HMCN1: variants seen among roughly 807,000 people sequenced by gnomAD.
HMCN1 encodes hemicentin 1, also known as hemicentin-1.
A neutral mutation model predicts 625.9 loss-of-function variants in HMCN1; 321 were observed. That is an observed-to-expected ratio of 0.51 (90% CI 0.47 to 0.56). HMCN1 has a LOEUF of 0.56. Among genes scored for constraint, HMCN1 ranks in the 20% least tolerant of loss-of-function variants. The pLI is 0.00. For missense variants in HMCN1, 6,588 were observed against 6,887.3 expected, an observed-to-expected ratio of 0.96 and a Z score of 1.54; for synonymous variants, 2,425 against 2,417.6, an observed-to-expected ratio of 1.00 and a Z score of -0.09.
intron 100 of HMCN1, among the ~76,000 whole-genome samples, chr1:186,171,043 TC>T (rs1432580824): frequency 6.6e-6 from 1 of 152,314 alleles, no homozygotes; most frequent in East Asian, 1.9e-4. Context: ...GACTGGAACT[TC>T]CGAGAAACAG....
Position 185,734,888 on chromosome 1 carries a change from G to A in HMCN1, c.109G>A (p.Glu37Lys), listed in dbSNP as rs199574143. Residue 37 changes from glutamate to lysine, a missense_variant, in exon 1 of 107, where the codon GAG (glutamate) becomes AAG (lysine). Transcript: ENST00000271588. ...QSEIRAEEIP[E>K]GASTLAFVFD... is the part of the protein sequence containing the mutation. ...AGAGATCAGAGCTGAGGAAATTCCC[G>A]AGGGGGCCTCCACGTTGGCTTTTGT... The A allele has an allele frequency of 1.2e-4, 200 of 1,614,018 alleles. No homozygotes were observed. The highest frequency in any genetic ancestry group is 1.6e-4 in the Non-Finnish European group (188 of 1,180,014).
At chr1:186,090,663 T>C in intron 63 of HMCN1, 95 bp from the exon 64 acceptor site, 1 of 1,400,544 alleles carries the variant, frequency 7.1e-7, no homozygotes, top group Admixed American at 1.8e-5. Flanking sequence ...CTACAAAGAA[T>C]ATGAACTAGA....
chr1:186,132,508 G>GT (rs200830407), intron 86 of HMCN1, 99 bp downstream of exon 86: 3 of 946,302 alleles, frequency 3.2e-6, no homozygotes, highest in Non-Finnish European at 5.0e-6. Flanking sequence ...TTCATTAGTG[G>GT]TAGCTCTCAG....
chr1:185,835,326 T>C (rs993646715), intron 1 of HMCN1, among the ~76,000 whole-genome samples: 5 of 152,156 alleles, frequency 3.3e-5, no homozygotes, highest in African/African-American at 1.2e-4. Context: ...CTCTTGTTTC[T>C]CTTCTGTAGT....
intron 86 of HMCN1, among the ~76,000 whole-genome samples, chr1:186,133,956 C>A (rs1453991021): frequency 1.3e-5 from 2 of 151,924 alleles, no homozygotes; most frequent in African/African-American, 4.8e-5. Flanking sequence ...TATGGCTCAA[C>A]AAGGAGAGAA....
chr1:186,130,680 G>A lies in HMCN1; in HGVS notation c.13213G>A (p.Ala4405Thr), dbSNP rs1433436276. The A allele has an allele frequency of 1.2e-6, 2 of 1,612,592 alleles. No homozygotes were observed. Among genetic ancestry groups the A allele is most frequent in the Admixed American group, 1.7e-5 (1 of 59,914 alleles). Residue 4405 changes from alanine to threonine, a missense_variant, in exon 85 of 107, where the codon GCC becomes ACC. Transcript: ENST00000271588. ...CCGGCAACTGGGCAATGGCTCCCTG[G>A]CCATCTATGGCACTGTTGTAAGTCA... ...RIRQLGNGSLAIYGTVNEDAG... is the reference protein window; with the variant it reads ...RIRQLGNGSLTIYGTVNEDAG...
rs554786554 is a variant in HMCN1 at position 186,108,492 on chromosome 1, C to A, written c.10884C>A (p.Pro3628=). 4 of 1,614,000 alleles carry A rather than the reference C, an allele frequency of 2.5e-6. No homozygotes were observed. In the Admixed American group the frequency reaches 6.7e-5, roughly 27 times the overall value. Residue 3628 remains proline, a synonymous_variant, in exon 71 of 107, where the codon CCC becomes CCA. Coordinates refer to ENST00000271588, the MANE Select transcript of HMCN1 (RefSeq NM_031935.3). ...CTAATATTGCTGGAACTGATGAGCC[C>A]CGGGATATCACTGTGTTACGGAACA... ...VPPNIAGTDE[P]RDITVLRNRQ... is the part of the protein sequence containing the mutation.
chr1:185,963,909 C>T lies in HMCN1; in HGVS notation c.2098+14C>T. 1 of 1,606,916 alleles carries T rather than the reference C, an allele frequency of 6.2e-7. No individual in the cohort carries two copies. Among genetic ancestry groups the T allele is most frequent in the Non-Finnish European group, 8.5e-7 (1 of 1,173,958 alleles). On this transcript the variant is annotated intron_variant, in intron 13 of 106. Coordinates refer to ENST00000271588, the MANE Select transcript of HMCN1 (RefSeq NM_031935.3). ...TCAGATACATTGGCAAGTATAATCA[C>T]TTTAAAAGGCAATTAAAATAGGATG...
At chr1:185,915,478 T>C (rs917375428) in intron 6 of HMCN1, among the ~76,000 whole-genome samples, 2 of 152,030 alleles carry the variant, frequency 1.3e-5, no homozygotes, top group Admixed American at 1.3e-4. Flanking sequence ...TTTATATTAG[T>C]CTAGGATTAT....
intron 89 of HMCN1, among the ~76,000 whole-genome samples, chr1:186,142,752 A>C (rs1650048629): frequency 6.6e-6 from 1 of 152,174 alleles, no homozygotes; most frequent in South Asian, 2.1e-4. Context: ...AAAAATAAAA[A>C]AGTCTTTAGC....
intron 72 of HMCN1, 47 bp from the exon 73 acceptor site, chr1:186,113,932 G>A: frequency 1.2e-6 from 2 of 1,604,742 alleles, no homozygotes; most frequent in Non-Finnish European, 8.5e-7. Flanking sequence ...CATGCAGGCT[G>A]TATTATTTAG....
chr1:186,182,360 T>TC, intron 105 of HMCN1, 73 bp downstream of exon 105: 2 of 1,563,256 alleles, frequency 1.3e-6, no homozygotes, highest in Non-Finnish European at 1.8e-6. Flanking sequence ...AAGTTTTTTT[T>TC]CAATAATCAT....
chr1:185,993,427 A>T, intron 23 of HMCN1, 118 bp downstream of exon 23: 1 of 1,118,770 alleles, frequency 8.9e-7, no homozygotes, highest in Non-Finnish European at 1.3e-6. Context: ...AAAGAAAAAA[A>T]TTCTCTAAAA....
At chr1:185,784,332 C>T (rs1323423270) in intron 1 of HMCN1, among the ~76,000 whole-genome samples, 1 of 152,134 alleles carries the variant, frequency 6.6e-6, no homozygotes, top group Admixed American at 6.5e-5. Context: ...TGCCTTGGCT[C>T]ACGTTTGGTG....
intron 1 of HMCN1, among the ~76,000 whole-genome samples, chr1:185,778,160 T>A (rs1229958217): frequency 2.6e-5 from 4 of 152,158 alleles, no homozygotes; most frequent in African/African-American, 9.7e-5. Context: ...CTTGCCCTGA[T>A]TAATCCCAGC....
chr1:185,871,106 G>A (rs1313945144), intron 4 of HMCN1, among the ~76,000 whole-genome samples: 1 of 152,052 alleles, frequency 6.6e-6, no homozygotes, highest in Non-Finnish European at 1.5e-5. Flanking sequence ...GCGCATGCCT[G>A]TAGTCCCAGC....
At position 185,960,987 on chromosome 1, in the gene HMCN1, C is replaced by T. The variant is rs7523154; in HGVS notation, c.1829-1531C>T. 7.4e-3 allele frequency among the ~76,000 whole-genome samples: 1,125 copies of T among 152,280 alleles called. 13 individuals carry two copies. Among genetic ancestry groups the T allele is most frequent in the African/African-American group, 0.026 (1,070 of 41,552 alleles). ...TATTCAGTCTGCCCTTGACCTCACA[C>T]ATTTCTCTAGCCCTATGCTCACCAA... On this transcript the variant is annotated intron_variant, in intron 11 of 106. Coordinates refer to ENST00000271588, the MANE Select transcript of HMCN1 (RefSeq NM_031935.3).
intron 74 of HMCN1, 96 bp from the exon 75 acceptor site, chr1:186,115,162 A>AAGTT: frequency 6.7e-7 from 1 of 1,482,562 alleles, no homozygotes; most frequent in South Asian, 1.1e-5. Context: ...ACTATGAGGC[A>AAGTT]AGTTAATAAT....
rs370284965 is a variant in HMCN1, at chr1:186,115,420, G to A, written c.11561+6G>A. 4.0e-5 allele frequency: 64 copies of A among 1,611,042 alleles called. 1 individual carries two copies. In the African/African-American group the frequency reaches 7.6e-4, roughly 19 times the overall value. On this transcript the variant is annotated splice_donor_region_variant and intron_variant, in intron 75 of 106. Coordinates refer to ENST00000271588, the MANE Select transcript of HMCN1 (RefSeq NM_031935.3). ...CAAAATCAGAACTCATACAGGTAAG[G>A]ATAATTTAAAACTCCTACCAACTAT...
Sources: allele counts gnomAD v4.1 joint callset (sites outside exome capture counted in the v4.1 genomes callset), GRCh38; gene constraint gnomAD v4.1.1; transcripts MANE v1.5; gene names NCBI Gene and HGNC (gene_info 2026-07-23, HGNC 2026-07-21).